The following CSMD3 variants were observed in gnomAD, a reference collection of about 807,000 sequenced individuals.
CSMD3 encodes CUB and sushi domain-containing protein 3.
Under a neutral mutation model 435.2 loss-of-function variants are expected in CSMD3, and 177 were observed. The ratio of observed to expected loss-of-function variants is 0.41; its 90% CI spans 0.36 to 0.46. The LOEUF is 0.46. Ranked by LOEUF, CSMD3 falls within the 20% of genes least tolerant of loss-of-function variation. The pLI, the probability that CSMD3 is intolerant of heterozygous loss-of-function variation, is 0.34. For synonymous variants in CSMD3, 1,656 were observed against 1,520.5 expected, an observed-to-expected ratio of 1.09 and a Z score of -2.07; for missense variants, 4,265 against 4,504.6, an observed-to-expected ratio of 0.95 and a Z score of 1.52.
At chr8:112,273,725 C>CAAAA (rs371418820) in intron 59 of CSMD3, among the ~76,000 whole-genome samples, 17 of 112,008 alleles carry the variant, frequency 1.5e-4, no homozygotes, top group African/African-American at 5.9e-4. Context: ...GACTCTGTCT[C>CAAAA]AAAAAAAAAA....
At chr8:113,276,690 T>C (rs769333357) in intron 3 of CSMD3, among the ~76,000 whole-genome samples, 2 of 152,082 alleles carry the variant, frequency 1.3e-5, no homozygotes, top group African/African-American at 2.4e-5. Context: ...TTTTAACTTA[T>C]AAAACTGAGA....
At chr8:112,306,701 A>T (rs955466152) in intron 50 of CSMD3, among the ~76,000 whole-genome samples, 3 of 152,174 alleles carry the variant, frequency 2.0e-5, no homozygotes, top group Non-Finnish European at 4.4e-5. Flanking sequence ...AGAAGCCACA[A>T]TGTATGAGCT....
At chr8:112,602,687 T>C (rs913303380) in intron 22 of CSMD3, among the ~76,000 whole-genome samples, 2 of 151,836 alleles carry the variant, frequency 1.3e-5, no homozygotes, top group African/African-American at 4.8e-5. Flanking sequence ...TCAATTAATA[T>C]ATATTTAGTA....
chr8:112,587,244 A>G lies in CSMD3; in HGVS notation c.3716-9T>C. On this transcript the variant is annotated splice_polypyrimidine_tract_variant and intron_variant, in intron 22 of 70. Transcript: ENST00000297405. ...AGATGCACCACATTCAGCTGCAGGT[A>G]AAACAGAATATTGAAGTACAGTTTA... is the stretch of plus-strand genomic sequence containing the variant. 6.2e-7 allele frequency: 1 copy of G among 1,600,828 alleles called. No homozygotes were observed. Among genetic ancestry groups the G allele is most frequent in the Non-Finnish European group, 8.6e-7 (1 of 1,169,236 alleles).
At chr8:112,801,023 CG>C (rs1563973937) in intron 12 of CSMD3, among the ~76,000 whole-genome samples, 1 of 151,746 alleles carries the variant, frequency 6.6e-6, no homozygotes, top group East Asian at 1.9e-4. Flanking sequence ...CCTTAGGTTG[CG>C]GGGAAGTCCA....
chr8:112,274,339 A>G (rs1817828108), intron 59 of CSMD3, among the ~76,000 whole-genome samples: 1 of 152,180 alleles, frequency 6.6e-6, no homozygotes, highest in East Asian at 1.9e-4. Flanking sequence ...ATCTTACTAC[A>G]TTAAGAGAGT....
At chr8:113,338,938 G>A (rs1054926183) in intron 1 of CSMD3, among the ~76,000 whole-genome samples, 1 of 151,720 alleles carries the variant, frequency 6.6e-6, no homozygotes, top group Non-Finnish European at 1.5e-5. Flanking sequence ...GTCCACACTT[G>A]TCTGTTTAAT....
At chr8:112,883,842 CT>C (rs1229308862) in intron 10 of CSMD3, among the ~76,000 whole-genome samples, 3 of 145,750 alleles carry the variant, frequency 2.1e-5, no homozygotes, top group Admixed American at 7.1e-5. Context: ...CCAATTGTCA[CT>C]TTTTTTGTAT....
intron 4 of CSMD3, among the ~76,000 whole-genome samples, chr8:113,147,264 G>A (rs1397658700): frequency 6.6e-6 from 1 of 151,532 alleles, no homozygotes. Flanking sequence ...TTCTGTAAGA[G>A]ATAATGGGGA....
chr8:113,321,435 T>C (rs942659117), intron 1 of CSMD3, among the ~76,000 whole-genome samples: 5 of 152,124 alleles, frequency 3.3e-5, no homozygotes, highest in Admixed American at 3.3e-4. Context: ...GGCACACATA[T>C]ACACCTGCTC....
At chr8:112,865,477 G>C (rs569878419) in intron 10 of CSMD3, among the ~76,000 whole-genome samples, 1 of 151,972 alleles carries the variant, frequency 6.6e-6, no homozygotes, top group Non-Finnish European at 1.5e-5. Context: ...TACTCCAACA[G>C]ATTCTTAGAA....
rs190041514 is a variant in CSMD3 at position 112,510,656 on chromosome 8, A to C, written c.4757-3827T>G. Among the ~76,000 whole-genome samples, 539 of 152,258 alleles carry C rather than the reference A, an allele frequency of 3.5e-3. 1 individual carries two copies. Among genetic ancestry groups the C allele is most frequent in the African/African-American group, 0.012 (517 of 41,546 alleles). Reference sequence around the variant, plus strand: ...GTTTTTAATATTCCACTCAGGTGTCAGTATTCATTACTAATATGTAATATT... The same window carrying C: ...GTTTTTAATATTCCACTCAGGTGTCCGTATTCATTACTAATATGTAATATT... On this transcript the variant is annotated intron_variant, in intron 28 of 70. Transcript: ENST00000297405.
intron 70 of CSMD3, among the ~76,000 whole-genome samples, chr8:112,227,723 C>A (rs1812700850): frequency 1.3e-5 from 2 of 152,060 alleles, no homozygotes; most frequent in South Asian, 4.1e-4. Flanking sequence ...TTAAATAAAT[C>A]ATTCTTAGAT....
At chr8:112,264,025 A>G (rs949357690) in intron 60 of CSMD3, among the ~76,000 whole-genome samples, 1 of 152,154 alleles carries the variant, frequency 6.6e-6, no homozygotes, top group Non-Finnish European at 1.5e-5. Flanking sequence ...CATAATGGCT[A>G]CTGGTTGTCA....
At chr8:112,483,769 A>C (rs1368704891) in intron 31 of CSMD3, among the ~76,000 whole-genome samples, 1 of 152,222 alleles carries the variant, frequency 6.6e-6, no homozygotes, top group Non-Finnish European at 1.5e-5. Context: ...TAGCAGAAGA[A>C]ACTTTCTTAG....
intron 3 of CSMD3, among the ~76,000 whole-genome samples, chr8:113,253,612 C>T (rs192413571): frequency 6.6e-5 from 10 of 151,896 alleles, no homozygotes; most frequent in Admixed American, 3.3e-4. Flanking sequence ...TAGGCCGAGG[C>T]GGGCAGATAA....
intron 27 of CSMD3, among the ~76,000 whole-genome samples, chr8:112,517,557 T>C (rs1388073585): frequency 4.0e-5 from 6 of 151,284 alleles, no homozygotes; most frequent in Admixed American, 6.6e-5. Context: ...TATAAACAAC[T>C]CTCGAAACTC....
intron 22 of CSMD3, among the ~76,000 whole-genome samples, chr8:112,607,596 C>T (rs1448227206): frequency 6.6e-6 from 1 of 151,856 alleles, no homozygotes; most frequent in Admixed American, 6.6e-5. Flanking sequence ...TTTAACAAAC[C>T]AAATTCAACA....
chr8:112,913,752 GTC>G (rs998886859), intron 10 of CSMD3, among the ~76,000 whole-genome samples: 1 of 149,232 alleles, frequency 6.7e-6, no homozygotes, highest in Non-Finnish European at 1.5e-5. Flanking sequence ...ATACTTAGTT[GTC>G]TCTATCTTTA....
Sources: gnomAD v4.1 joint callset for allele counts (sites outside exome capture counted in the v4.1 genomes callset) on GRCh38, gnomAD v4.1.1 for gene constraint, MANE v1.5 for transcripts, NCBI Gene and HGNC (gene_info 2026-07-23, HGNC 2026-07-21) for gene names.